The following SNTB1 variants were observed in gnomAD, a reference collection of about 807,000 sequenced individuals.
SNTB1 encodes the protein beta-1-syntrophin.
In SNTB1, 36 loss-of-function variants were observed where a neutral mutation model predicts 48.9. The ratio of observed to expected loss-of-function variants is 0.74; its 90% CI spans 0.56 to 0.97. The LOEUF (loss-of-function observed/expected upper bound fraction) is 0.97, where lower values mean the gene tolerates loss of function less well. Among genes scored for constraint, SNTB1 ranks in the 50% least tolerant of loss-of-function variants. SNTB1 has a pLI of 0.00. For missense variants in SNTB1, 786 were observed against 703.4 expected (o/e 1.12, Z -1.33); for synonymous variants, 299 against 294.6 (o/e 1.01, Z -0.15).
At chr8:120,621,240 G>A (rs745946252) in intron 3 of SNTB1, among the ~76,000 whole-genome samples, 3 of 151,996 alleles carry the variant, frequency 2.0e-5, no homozygotes, top group Non-Finnish European at 4.4e-5. Flanking sequence ...GATTATAGGC[G>A]TGAGCCACCA....
chr8:120,584,320 T>C (rs1816099228), intron 3 of SNTB1, among the ~76,000 whole-genome samples: 1 of 151,016 alleles, frequency 6.6e-6, no homozygotes, highest in Non-Finnish European at 1.5e-5. Context: ...TGGGTGCCTG[T>C]AGTCCCAACT....
intron 3 of SNTB1, among the ~76,000 whole-genome samples, chr8:120,595,737 C>A (rs993975987): frequency 6.6e-6 from 1 of 152,124 alleles, no homozygotes; most frequent in South Asian, 2.1e-4. Flanking sequence ...GCATGCACTA[C>A]CACGCCCGGC....
rs1291682867 is a variant in SNTB1, at chr8:120,723,638, C to T, written c.572-29730G>A. On this transcript the variant is annotated intron_variant, in intron 1 of 6. Transcript: ENST00000517992. Reference sequence around the variant, plus strand: ...CTGTACAGCTCACCAGTTAGGTGCACTGGTTCAGATAGATAGGCGACTGGG... The same window carrying T: ...CTGTACAGCTCACCAGTTAGGTGCATTGGTTCAGATAGATAGGCGACTGGG... 2.0e-5 allele frequency among the ~76,000 whole-genome samples: 3 copies of T among 152,274 alleles called. No individual in the cohort carries two copies. The East Asian group carries it at 5.8e-4, about 29-fold the overall frequency.
chr8:120,614,976 TAAAAAAAAA>T (rs61318757), intron 3 of SNTB1, among the ~76,000 whole-genome samples: 3 of 73,268 alleles, frequency 4.1e-5, no homozygotes, highest in African/African-American at 2.0e-4. Context: ...TCACCTCTAC[TAAAAAAAAA>T]AAAAAAAAAA....
intron 1 of SNTB1, among the ~76,000 whole-genome samples, chr8:120,807,132 C>T (rs1349161337): frequency 1.3e-5 from 2 of 152,216 alleles, no homozygotes; most frequent in Admixed American, 6.5e-5. Context: ...ATTCAGTGCA[C>T]TCCACCTCCA....
At chr8:120,773,651 G>A (rs746750599) in intron 1 of SNTB1, among the ~76,000 whole-genome samples, 8 of 152,126 alleles carry the variant, frequency 5.3e-5, no homozygotes, top group Non-Finnish European at 1.2e-4. Context: ...AGCAGGGCAA[G>A]TATGGGAAAA....
At chr8:120,658,174 A>C (rs970055362) in intron 2 of SNTB1, among the ~76,000 whole-genome samples, 1 of 152,210 alleles carries the variant, frequency 6.6e-6, no homozygotes, top group Non-Finnish European at 1.5e-5. Flanking sequence ...TATATAAATA[A>C]AGATGTGTTA....
intron 1 of SNTB1, among the ~76,000 whole-genome samples, chr8:120,804,641 T>C (rs1028820331): frequency 2.6e-5 from 4 of 152,202 alleles, no homozygotes; most frequent in African/African-American, 9.7e-5. Flanking sequence ...GAGGGTGATC[T>C]ACCTTAAATG....
intron 5 of SNTB1, among the ~76,000 whole-genome samples, chr8:120,548,006 G>A (rs566392872): frequency 1.0e-3 from 153 of 152,272 alleles, no homozygotes; most frequent in Non-Finnish European, 2.0e-3. Flanking sequence ...GGGCTTGGTG[G>A]AAGGTGTTTG....
chr8:120,792,216 G>T lies in SNTB1; in HGVS notation c.571+19057C>A, dbSNP rs78143708. On this transcript the variant is annotated intron_variant, in intron 1 of 6. Coordinates refer to ENST00000517992, the MANE Select transcript of SNTB1 (RefSeq NM_021021.4). ...TCATTTGCAGCAACTTGGATGAGACGAGAGGCCATTATTCTAAGTGAAGTA... is the reference window on the plus strand; with the variant it reads ...TCATTTGCAGCAACTTGGATGAGACTAGAGGCCATTATTCTAAGTGAAGTA... Among the ~76,000 whole-genome samples, 42 of 151,838 alleles carry T rather than the reference G, an allele frequency of 2.8e-4. No homozygotes were observed. The East Asian group carries it at 5.4e-3, about 20-fold the overall frequency.
intron 2 of SNTB1, among the ~76,000 whole-genome samples, chr8:120,638,476 T>TA (rs1451217937): frequency 6.6e-6 from 1 of 152,146 alleles, no homozygotes; most frequent in African/African-American, 2.4e-5. Context: ...TACATGTGTA[T>TA]ACATGTGCCA....
intron 1 of SNTB1, among the ~76,000 whole-genome samples, chr8:120,733,239 C>T (rs989209089): frequency 6.6e-6 from 1 of 152,244 alleles, no homozygotes; most frequent in Non-Finnish European, 1.5e-5. Context: ...AGTGAGTCAT[C>T]ACACTTGAGG....
intron 1 of SNTB1, among the ~76,000 whole-genome samples, chr8:120,757,143 A>AAG (rs1300778834): frequency 1.3e-5 from 2 of 152,196 alleles, no homozygotes; most frequent in Admixed American, 6.5e-5. Flanking sequence ...ACAACACTGA[A>AAG]AGAGGCTGAG....
intron 1 of SNTB1, among the ~76,000 whole-genome samples, chr8:120,702,575 G>A (rs543711853): frequency 6.6e-6 from 1 of 151,642 alleles, no homozygotes; most frequent in South Asian, 2.1e-4. Context: ...TTAAACACCA[G>A]CTGTGCTTTG....
In SNTB1 at chr8:120,811,770, A is replaced by G; in HGVS notation, c.74T>C (p.Leu25Pro). ...GCGATCCCGCACCAAAACTTCCAGC[A>G]GCCCGCTCCGCTGCGCCCGGCCGCC... ...AGGGRAQRSG[L>P]LEVLVRDRWH... Residue 25 changes from leucine to proline, a missense_variant, in exon 1 of 7, where the codon CTG becomes CCG. Transcript: ENST00000517992. The G allele has an allele frequency of 6.6e-7, 1 of 1,520,200 alleles. No homozygotes were observed. Among genetic ancestry groups the G allele is most frequent in the Non-Finnish European group, 8.8e-7 (1 of 1,136,944 alleles). The allele number at this position is 1,520,200 out of a possible 1,614,324, so 94.2% of individuals were successfully genotyped here.
intron 3 of SNTB1, among the ~76,000 whole-genome samples, chr8:120,596,318 TATTA>T (rs989233067): frequency 2.0e-5 from 3 of 152,242 alleles, no homozygotes; most frequent in Non-Finnish European, 4.4e-5. Flanking sequence ...TATCAACATT[TATTA>T]ATTTTGAGTA....
chr8:120,673,373 C>T (rs1015863843), intron 2 of SNTB1, among the ~76,000 whole-genome samples: 3 of 151,486 alleles, frequency 2.0e-5, no homozygotes. Context: ...TCACTGCAAC[C>T]TCCGTCTCCT....
At chr8:120,727,969 C>T (rs1369089746) in intron 1 of SNTB1, among the ~76,000 whole-genome samples, 1 of 152,064 alleles carries the variant, frequency 6.6e-6, no homozygotes, top group Admixed American at 6.5e-5. Flanking sequence ...CTTCTCCCAC[C>T]CTTTCCCTCT....
intron 3 of SNTB1, among the ~76,000 whole-genome samples, chr8:120,598,372 G>C (rs945145927): frequency 6.6e-6 from 1 of 152,062 alleles, no homozygotes; most frequent in Non-Finnish European, 1.5e-5. Flanking sequence ...TTCTTTATGC[G>C]AGGCCAAACT....
Sources: gnomAD v4.1 joint callset for allele counts (sites outside exome capture counted in the v4.1 genomes callset) on GRCh38, gnomAD v4.1.1 for gene constraint, MANE v1.5 for transcripts, NCBI Gene and HGNC (gene_info 2026-07-23, HGNC 2026-07-21) for gene names.